Variants in MTMR6 observed in about 807,000 individuals in gnomAD.
MTMR6 encodes the protein myotubularin related protein 6.
In MTMR6, 47 loss-of-function variants were observed where a neutral mutation model predicts 80.1. The ratio of observed to expected loss-of-function variants is 0.59; its 90% CI spans 0.46 to 0.75. The LOEUF (loss-of-function observed/expected upper bound fraction) is 0.75. MTMR6 is among the 30% of genes least tolerant of loss of function. MTMR6 has a pLI of 0.00. For synonymous variants in MTMR6, 254 were observed against 253.0 expected (o/e 1.00, Z -0.04); for missense variants, 629 against 730.9 (o/e 0.86, Z 1.61).
rs772738962 is a variant in MTMR6, at chr13:25,266,229, C to T, written c.362G>A (p.Arg121Gln). The T allele has an allele frequency of 8.1e-6, 13 of 1,613,596 alleles. No homozygotes were observed. In the East Asian group the frequency reaches 1.1e-4, roughly 14 times the overall value. ...ATCAATGAGCTGCCAGCCTTGTAGT[C>T]GTTCTGAATCATTTTGTTTGGGATT... ...SYNPKQNDSE[R>Q]LQGWQLIDLA... Residue 121 changes from arginine to glutamine, a missense_variant, in exon 4 of 14, where the codon CGA becomes CAA. By Grantham distance (43) the Arg-to-Gln change is conservative (BLOSUM62 1). Coordinates refer to ENST00000381801, the MANE Select transcript of MTMR6 (RefSeq NM_004685.5).
chr13:25,248,528 T>C lies in MTMR6; in HGVS notation c.*704A>G, dbSNP rs1957025001. ...AAACAAATTATGATCAGAATAAACC[T>C]TCAGTTTCATTAATTTTGAATACAA... On this transcript the variant is annotated 3_prime_UTR_variant, in exon 14 of 14. Coordinates refer to ENST00000381801, the MANE Select transcript of MTMR6 (RefSeq NM_004685.5). 1 of 152,152 alleles carries C rather than the reference T, an allele frequency of 6.6e-6. No individual in the cohort carries two copies. Among genetic ancestry groups the C allele is most frequent in the South Asian group, 2.1e-4 (1 of 4,830 alleles). 9.4% of individuals were successfully genotyped at this position (152,152 alleles called of 1,614,324 possible).
chr13:25,268,628 TC>T (rs938889909), intron 2 of MTMR6, among the ~76,000 whole-genome samples: 18 of 152,070 alleles, frequency 1.2e-4, no homozygotes, highest in Admixed American at 3.3e-4. Flanking sequence ...TTAGGCCCCC[TC>T]CCTTTTCTTC....
Position 25,287,215 on chromosome 13 carries a change from C to G in MTMR6, c.24+9G>C. The G allele has an allele frequency of 1.3e-6, 2 of 1,596,302 alleles. No individual in the cohort carries two copies. Among genetic ancestry groups the G allele is most frequent in the South Asian group, 2.3e-5 (2 of 88,814 alleles). ...GCCCCTGAAGACTGGCGATCCCGCG[C>G]CCGACTACCTTGGTCGTCCGGATAT... is the stretch of plus-strand genomic sequence containing the variant. On this transcript the variant is annotated intron_variant, in intron 1 of 13. Transcript: ENST00000381801.
chr13:25,260,730 G>A (rs888917857), intron 6 of MTMR6: 1 of 1,010,302 alleles, frequency 9.9e-7, no homozygotes, highest in African/African-American at 1.7e-5. Context: ...TACCACTGAG[G>A]ATTTTAATTA....
Position 25,249,115 on chromosome 13 carries a change from C to G in MTMR6, c.*117G>C. ...TTATTATCCTTCCTTCAACTATTAG[C>G]CTACTGTTAAACCCTAAAATTGTTA... is the stretch of plus-strand genomic sequence containing the variant. On this transcript the variant is annotated 3_prime_UTR_variant, in exon 14 of 14. Coordinates refer to ENST00000381801, the MANE Select transcript of MTMR6 (RefSeq NM_004685.5). 1 of 1,058,978 alleles carries G rather than the reference C, an allele frequency of 9.4e-7. No individual in the cohort carries two copies. Among genetic ancestry groups the G allele is most frequent in the African/African-American group, 1.6e-5 (1 of 63,184 alleles). 65.6% of individuals were successfully genotyped at this position (1,058,978 alleles called of 1,614,324 possible).
Position 25,274,140 on chromosome 13 carries a change from T to C in MTMR6, c.72A>G (p.Ser24=), listed in dbSNP as rs1244113443. The C allele has an allele frequency of 3.3e-5, 54 of 1,613,128 alleles. No homozygotes were observed. Among genetic ancestry groups the C allele is most frequent in the Non-Finnish European group, 4.5e-5 (53 of 1,179,580 alleles). ...CCGTAAGATACAGTGTTCCTGTTAA[T>C]GACTTGTTGCTGGTACTGAATCGGT... The part of the protein sequence containing the change: ...LLDRFSTSNK[S]LTGTLYLTAT... The change falls in exon 2 of 14, where the codon TCA becomes TCG. Residue 24 remains serine (S), a synonymous_variant. Transcript: ENST00000381801.
intron 2 of MTMR6, among the ~76,000 whole-genome samples, chr13:25,273,790 G>C (rs960977974): frequency 6.6e-6 from 1 of 152,144 alleles, no homozygotes; most frequent in Non-Finnish European, 1.5e-5. Context: ...CTCCCAAAGT[G>C]CTGGGATTAC....
At chr13:25,255,734 G>T (rs545796230) in intron 9 of MTMR6, among the ~76,000 whole-genome samples, 1 of 152,212 alleles carries the variant, frequency 6.6e-6, no homozygotes, top group South Asian at 2.1e-4. Flanking sequence ...ATATTGGCCA[G>T]GCTGGTCTCG....
chr13:25,260,016 C>T (rs995103812), intron 6 of MTMR6, among the ~76,000 whole-genome samples: 1 of 151,838 alleles, frequency 6.6e-6, no homozygotes, highest in Non-Finnish European at 1.5e-5. Context: ...CGCCTGCCAT[C>T]GCACCCAGCT....
At chr13:25,259,657 A>G (rs1230293282) in intron 6 of MTMR6, among the ~76,000 whole-genome samples, 2 of 152,196 alleles carry the variant, frequency 1.3e-5, no homozygotes, top group Non-Finnish European at 2.9e-5. Context: ...TTCTGTGAAG[A>G]AGATAATTAT....
At chr13:25,267,687 G>A (rs960461461) in intron 3 of MTMR6, 92 bp downstream of exon 3, 1 of 1,319,952 alleles carries the variant, frequency 7.6e-7, no homozygotes, top group African/African-American at 1.5e-5. Context: ...GAGCAAAAAA[G>A]GATAAAATAA....
intron 7 of MTMR6, 147 bp from the exon 8 acceptor site, chr13:25,257,992 C>A: frequency 2.0e-6 from 1 of 489,212 alleles, no homozygotes. Flanking sequence ...ATTAAAAGCT[C>A]AATAACTGAT....
chr13:25,256,546 G>C (rs1184725055), intron 9 of MTMR6, among the ~76,000 whole-genome samples: 2 of 152,104 alleles, frequency 1.3e-5, no homozygotes, highest in Non-Finnish European at 2.9e-5. Context: ...CATGAGTTAA[G>C]ATGTAAATTT....
Position 25,274,961 on chromosome 13 carries a change from T to TACACACACACACACACACACACACACAC in MTMR6, c.25-802_25-775dup, listed in dbSNP as rs71077456. Among the ~76,000 whole-genome samples the TACACACACACACACACACACACACACAC allele has an allele frequency of 8.0e-4, 84 of 105,054 alleles. 10 individuals are homozygous for TACACACACACACACACACACACACACAC. Among genetic ancestry groups the TACACACACACACACACACACACACACAC allele is most frequent in the Middle Eastern group, 6.0e-3 (1 of 166 alleles). The allele number at this position is 105,054 out of a possible 152,430, so 68.9% of individuals were successfully genotyped here. ...ACAGACACACACACACACACACACA[T>TACACACACACACACACACACACACACAC]ACACACACACACACACACACACACA... On this transcript the variant is annotated intron_variant, in intron 1 of 13. Transcript: ENST00000381801.
intron 6 of MTMR6, among the ~76,000 whole-genome samples, chr13:25,261,066 G>A (rs1957325034): frequency 6.6e-6 from 1 of 151,868 alleles, no homozygotes; most frequent in Non-Finnish European, 1.5e-5. Context: ...CACTTTGGGA[G>A]GCCAACTGAG....
chr13:25,262,481 A>G (rs754314289), intron 5 of MTMR6, among the ~76,000 whole-genome samples: 5 of 151,846 alleles, frequency 3.3e-5, no homozygotes, highest in Non-Finnish European at 5.9e-5. Flanking sequence ...AATCCTTCCA[A>G]CTCAGCCTCC....
rs1056747607 is a variant in MTMR6 at position 25,287,364 on chromosome 13, G to A, written c.-117C>T. On this transcript the variant is annotated 5_prime_UTR_variant, in exon 1 of 14. Transcript: ENST00000381801. Reference sequence around the variant, plus strand: ...CTCCCTCCACCAGCCAGCGCCGCGGGTCTGTCTGCCGGCCCCGGTGGCGTC... The same window carrying A: ...CTCCCTCCACCAGCCAGCGCCGCGGATCTGTCTGCCGGCCCCGGTGGCGTC... 1 of 1,381,200 alleles carries A rather than the reference G, an allele frequency of 7.2e-7. No individual in the cohort carries two copies. The highest frequency in any genetic ancestry group is 1.4e-5 in the African/African-American group (1 of 69,884). 85.6% of individuals were successfully genotyped at this position (1,381,200 alleles called of 1,614,324 possible). A position where few individuals can be genotyped will look rare whatever the true frequency, so the allele number is the denominator to read the frequency against.
intron 1 of MTMR6, among the ~76,000 whole-genome samples, chr13:25,284,774 T>C (rs946058626): frequency 4.6e-5 from 7 of 152,198 alleles, no homozygotes; most frequent in African/African-American, 1.7e-4. Context: ...TATTTCCCAA[T>C]ACATTAATAA....
chr13:25,278,035 C>G (rs748553192), intron 1 of MTMR6, among the ~76,000 whole-genome samples: 4 of 152,186 alleles, frequency 2.6e-5, no homozygotes, highest in Non-Finnish European at 4.4e-5. Flanking sequence ...TGCAAAAGTA[C>G]AAATCCAAAG....
Sources: allele counts gnomAD v4.1 joint callset (sites outside exome capture counted in the v4.1 genomes callset), GRCh38; gene constraint gnomAD v4.1.1; transcripts MANE v1.5; gene names NCBI Gene and HGNC (gene_info 2026-07-23, HGNC 2026-07-21).